The following CAMKK2 variants were observed in gnomAD, a reference collection of about 807,000 sequenced individuals.
CAMKK2 encodes calcium/calmodulin-dependent protein kinase kinase 2.
A neutral mutation model predicts 67.2 loss-of-function variants in CAMKK2; 30 were observed. The observed-to-expected ratio is 0.45, with a 90% CI of 0.33 to 0.61. The LOEUF (loss-of-function observed/expected upper bound fraction) is 0.61. Ranked by LOEUF, CAMKK2 falls within the 20% of genes least tolerant of loss-of-function variation. The pLI is 0.02. For synonymous variants in CAMKK2, 322 were observed against 326.2 expected (o/e 0.99, Z 0.14); for missense variants, 643 against 802.0 (o/e 0.80, Z 2.39).
intron 1 of CAMKK2, among the ~76,000 whole-genome samples, chr12:121,289,142 CCCGTTTCCGTCA>C (rs1219832049): frequency 1.3e-5 from 2 of 152,088 alleles, no homozygotes; most frequent in African/African-American, 4.8e-5. Context: ...CCCACTCTGC[CCCGTTTCCGTCA>C]CCTCCTGGGC....
At chr12:121,255,262 TTTTA>T (rs1202593598) in intron 9 of CAMKK2, among the ~76,000 whole-genome samples, 13 of 18,906 alleles carry the variant, frequency 6.9e-4, no homozygotes, top group Admixed American at 1.6e-3. Context: ...ATATATATAA[TTTTA>T]TATATATATA....
At chr12:121,242,501 C>T (rs1888570709) in intron 16 of CAMKK2, among the ~76,000 whole-genome samples, 1 of 152,196 alleles carries the variant, frequency 6.6e-6, no homozygotes, top group Non-Finnish European at 1.5e-5. Context: ...GTTTCCACTC[C>T]ATCATCCGTG....
rs1370806701 is a variant in CAMKK2, at chr12:121,258,354, A to AC, written c.796+1964dup. Among the ~76,000 whole-genome samples the AC allele has an allele frequency of 3.3e-5, 5 of 151,866 alleles. 1 individual carries two copies. The highest frequency in any genetic ancestry group is 7.4e-5 in the Non-Finnish European group (5 of 67,982). ...CTCCACCTTTTTTTGTTTTATTGAG[A>AC]CAGGGTCTTACTCTGTCGCCCAGGC... is the stretch of plus-strand genomic sequence containing the variant. On this transcript the variant is annotated intron_variant, in intron 7 of 16. Transcript: ENST00000404169.
At chr12:121,264,408 G>A (rs1007530823) in intron 5 of CAMKK2, among the ~76,000 whole-genome samples, 3 of 152,186 alleles carry the variant, frequency 2.0e-5, no homozygotes, top group Non-Finnish European at 2.9e-5. Context: ...AGGCTGAGGC[G>A]GGTGGATTTC....
intron 16 of CAMKK2, chr12:121,243,557 G>A (rs200460157): frequency 2.6e-5 from 4 of 153,312 alleles, no homozygotes; most frequent in Non-Finnish European, 5.8e-5. Context: ...ACATGATGCT[G>A]AGAGAAAGAA....
rs1179218730 is a variant in CAMKK2 at position 121,260,360 on chromosome 12, G to A, written c.760-5C>T. ...CTCATTGGGGTCATCCAGGACCTTG[G>A]CACAGCCACATGGAATAGGCAGGAG... On this transcript the variant is annotated splice_region_variant and splice_polypyrimidine_tract_variant and intron_variant, in intron 6 of 16. Transcript: ENST00000404169. The A allele has an allele frequency of 1.9e-6, 3 of 1,611,310 alleles. No individual in the cohort carries two copies. The African/African-American group carries it at 4.0e-5, about 22-fold the overall frequency.
chr12:121,275,008 AC>A (rs1409921193), intron 1 of CAMKK2, among the ~76,000 whole-genome samples: 2 of 150,848 alleles, frequency 1.3e-5, no homozygotes, highest in Non-Finnish European at 3.0e-5. Flanking sequence ...GTATAAGAAA[AC>A]CCCCAAATAG....
Position 121,274,485 on chromosome 12 carries a change from G to A in CAMKK2, c.42C>T (p.Ala14=), listed in dbSNP as rs200559115. 4.6e-5 allele frequency: 74 copies of A among 1,612,436 alleles called. No homozygotes were observed. Among genetic ancestry groups the A allele is most frequent in the South Asian group, 3.5e-4 (32 of 91,070 alleles). ...CVSSQPSSNR[A]APQDELGGRG... ...TGCCCCCCAGCTCATCCTGGGGGGC[G>A]GCCCGGTTGCTGCTGGGCTGGCTAG... Residue 14 remains alanine (A), a synonymous_variant, in exon 2 of 17, where the codon GCC becomes GCT. Coordinates refer to ENST00000404169, the MANE Select transcript of CAMKK2 (RefSeq NM_001270485.2).
chr12:121,262,150 C>T (rs757873082), intron 6 of CAMKK2, among the ~76,000 whole-genome samples: 29 of 152,148 alleles, frequency 1.9e-4, no homozygotes, highest in Admixed American at 5.9e-4. Flanking sequence ...CCTATCAAAC[C>T]AAACAGTAAC....
At chr12:121,243,880 G>A in intron 16 of CAMKK2, 1 of 1,374,962 alleles carries the variant, frequency 7.3e-7, no homozygotes, top group South Asian at 1.7e-5. Context: ...AAGTCAGGTA[G>A]CCATGATGTG....
intron 16 of CAMKK2, among the ~76,000 whole-genome samples, chr12:121,242,554 C>A (rs1021491744): frequency 1.3e-5 from 2 of 152,162 alleles, no homozygotes; most frequent in African/African-American, 4.8e-5. Flanking sequence ...TCTGTCTGGG[C>A]ACAAGCTGGG....
chr12:121,292,836 G>A (rs1900337267), intron 1 of CAMKK2, among the ~76,000 whole-genome samples: 1 of 151,960 alleles, frequency 6.6e-6, no homozygotes, highest in African/African-American at 2.4e-5. Flanking sequence ...AGGCATGGTG[G>A]CATGCACCTG....
chr12:121,244,697 C>T, intron 15 of CAMKK2, 82 bp from the exon 16 acceptor site: 1 of 1,142,514 alleles, frequency 8.8e-7, no homozygotes. Flanking sequence ...CACCCTGAGA[C>T]ACTCAGACCC....
rs372372506 is a variant in CAMKK2, at chr12:121,257,601, AG to A, written c.797-1798del. Among the ~76,000 whole-genome samples the A allele has an allele frequency of 1.3e-3, 203 of 152,292 alleles. 1 individual carries two copies. Among genetic ancestry groups the A allele is most frequent in the African/African-American group, 4.7e-3 (195 of 41,560 alleles). On this transcript the variant is annotated intron_variant, in intron 7 of 16. Coordinates refer to ENST00000404169, the MANE Select transcript of CAMKK2 (RefSeq NM_001270485.2). ...AAGGGCTGAGGTGGCCAAGGGGAAC[AG>A]GGAAGCTACTCAGACAAAAAGAAGG...
chr12:121,276,862 C>A (rs1896906350), intron 1 of CAMKK2, among the ~76,000 whole-genome samples: 1 of 125,350 alleles, frequency 8.0e-6, no homozygotes, highest in African/African-American at 3.2e-5. Context: ...CACCAGCCTG[C>A]CAACAGAGGG....
intron 4 of CAMKK2, among the ~76,000 whole-genome samples, chr12:121,268,961 C>T (rs889470957): frequency 6.6e-6 from 1 of 152,108 alleles, no homozygotes; most frequent in Non-Finnish European, 1.5e-5. Context: ...AACCACGAGC[C>T]TCAGGACTTG....
rs1397563432 is a variant in CAMKK2, at chr12:121,285,886, G to T, written c.-60+10752C>A. The stretch of plus-strand genomic sequence containing the variant: ...TGTGATTTTGTGGAAGTGTTGAAAA[G>T]AAAGAATGTCCTTTCTGTTGAACCT... On this transcript the variant is annotated intron_variant, in intron 1 of 16. Transcript: ENST00000404169. The surrounding 1 kb of genome is among the most constrained non-coding windows in gnomAD (Gnocchi z 4.1). Among the ~76,000 whole-genome samples the T allele has an allele frequency of 6.6e-6, 1 of 152,140 alleles. No individual in the cohort carries two copies. The highest frequency in any genetic ancestry group is 1.9e-4 in the East Asian group (1 of 5,190).
intron 11 of CAMKK2, among the ~76,000 whole-genome samples, 159 bp downstream of exon 11, chr12:121,252,502 T>TCGTGATCCGC (rs67424494): frequency 6.6e-6 from 1 of 151,718 alleles, no homozygotes; most frequent in Non-Finnish European, 1.5e-5. Flanking sequence ...ACTCCTAACC[T>TCGTGATCCGC]CTGCCTCAGC....
chr12:121,255,304 T>A (rs11065511), intron 9 of CAMKK2, among the ~76,000 whole-genome samples: 1,807 of 5,234 alleles, frequency 0.35, 329 homozygotes, highest in Non-Finnish European at 0.38. Context: ...ATATATAATT[T>A]TATATATAAT....
Sources: allele counts gnomAD v4.1 joint callset (sites outside exome capture counted in the v4.1 genomes callset), GRCh38; gene constraint gnomAD v4.1.1; non-coding constraint Gnocchi (gnomAD v3.1); transcripts MANE v1.5; gene names NCBI Gene and HGNC (gene_info 2026-07-23, HGNC 2026-07-21).